The following UBE2D3 variants were observed in gnomAD, a reference collection of about 807,000 sequenced individuals.
UBE2D3 encodes the protein ubiquitin-conjugating enzyme E2 D3.
Under a neutral mutation model 22.8 loss-of-function variants are expected in UBE2D3, and 2 were observed. That is an observed-to-expected ratio of 0.09 (90% CI 0.04 to 0.28). The LOEUF (loss-of-function observed/expected upper bound fraction) is 0.28. Among genes scored for constraint, UBE2D3 ranks in the 10% least tolerant of loss-of-function variants. The probability of loss-of-function intolerance (pLI) is 1.00; values close to 1 mark genes in which losing one functional copy is unlikely to be tolerated. For synonymous variants in UBE2D3, 56 were observed against 60.4 expected (o/e 0.93, Z 0.34); for missense variants, 27 against 182.5 (o/e 0.15, Z 4.91).
intron 4 of UBE2D3, among the ~76,000 whole-genome samples, chr4:102,806,531 T>C (rs1310938778): frequency 6.6e-6 from 1 of 152,194 alleles, no homozygotes; most frequent in Non-Finnish European, 1.5e-5. Context: ...ATAATCCTTA[T>C]GGACCAAATA....
At chr4:102,868,883 G>C, upstream of UBE2D3, 2 of 1,494,674 alleles carry the variant, frequency 1.3e-6, no homozygotes, top group Non-Finnish European at 1.8e-6. Context: ...CCCGCGCCTC[G>C]GCAGTCCGCC....
At chr4:102,857,487 A>T (rs1319038110) in intron 1 of UBE2D3, among the ~76,000 whole-genome samples, 1 of 152,220 alleles carries the variant, frequency 6.6e-6, no homozygotes, top group East Asian at 1.9e-4. Context: ...ATAGGAAAAA[A>T]CAATATGCAT....
chr4:102,868,690 G>A (rs754826180), intron 1 of UBE2D3: 63 of 1,613,620 alleles, frequency 3.9e-5, no homozygotes, highest in South Asian at 2.6e-4. Context: ...GAGAGGGGAC[G>A]AAGTAGAGAC....
intron 2 of UBE2D3, chr4:102,811,571 C>A: frequency 3.5e-6 from 1 of 284,726 alleles, no homozygotes. Flanking sequence ...ATCCCAGCTA[C>A]TCGGGAGGAT....
chr4:102,840,628 A>C (rs973596222), intron 1 of UBE2D3, among the ~76,000 whole-genome samples: 1 of 152,148 alleles, frequency 6.6e-6, no homozygotes, highest in Non-Finnish European at 1.5e-5. Context: ...ATACAGTGAG[A>C]TATGGAACAA....
chr4:102,833,839 C>T (rs1258160171), intron 1 of UBE2D3, among the ~76,000 whole-genome samples: 1 of 152,182 alleles, frequency 6.6e-6, no homozygotes, highest in African/African-American at 2.4e-5. Context: ...CCCACCCTCC[C>T]TGTATATATT....
In UBE2D3 at chr4:102,819,661, G is replaced by A. The variant is rs888285042; in HGVS notation, c.24+6824C>T. On this transcript the variant is annotated intron_variant, in intron 2 of 7. Coordinates refer to ENST00000453744, the MANE Select transcript of UBE2D3 (RefSeq NM_181891.3). ...ATTCAAAAGCCTATATAGTGGCAAG[G>A]CCAAGTTCATGGATTCTACCTTTAA... 4 of 917,950 alleles carry A rather than the reference G, an allele frequency of 4.4e-6. No homozygotes were observed. In the African/African-American group the frequency reaches 7.2e-5, roughly 16 times the overall value. 56.9% of individuals were successfully genotyped at this position (917,950 alleles called of 1,614,324 possible). A position where few individuals can be genotyped will look rare whatever the true frequency, so the allele number is the denominator to read the frequency against.
chr4:102,807,298 T>C (rs1046511963), intron 4 of UBE2D3, among the ~76,000 whole-genome samples: 13 of 152,234 alleles, frequency 8.5e-5, no homozygotes, highest in African/African-American at 2.4e-4. Context: ...AAAGAAGTAT[T>C]GAGAAGCCAA....
At chr4:102,842,567 T>G (rs1158251436) in intron 1 of UBE2D3, among the ~76,000 whole-genome samples, 1 of 151,136 alleles carries the variant, frequency 6.6e-6, no homozygotes, top group Admixed American at 6.6e-5. Flanking sequence ...AAAAAAAACC[T>G]CGAGTTTCAC....
At position 102,827,494 on chromosome 4, in the gene UBE2D3, C is replaced by G; in HGVS notation, c.-196G>C. The G allele has an allele frequency of 1.0e-6, 1 of 986,202 alleles. No homozygotes were observed. The highest frequency in any genetic ancestry group is 1.2e-6 in the Non-Finnish European group (1 of 830,180). The allele number at this position is 986,202 out of a possible 1,614,324, so 61.1% of individuals were successfully genotyped here. A position where few individuals can be genotyped will look rare whatever the true frequency, so the allele number is the denominator to read the frequency against. ...CCCCGCGCGGCAGCTGGTGCCTCCC[C>G]GGCCCTACGGGGCTCACGCGCACGA... On this transcript the variant is annotated 5_prime_UTR_variant, in exon 1 of 8. Transcript: ENST00000453744.
chr4:102,811,554 G>A (rs1728029291), intron 2 of UBE2D3: 2 of 268,130 alleles, frequency 7.5e-6, no homozygotes, highest in South Asian at 6.4e-5. Flanking sequence ...TAGTGCACAC[G>A]CCTGTAATCC....
At chr4:102,862,422 T>C (rs1490176075) in intron 1 of UBE2D3, among the ~76,000 whole-genome samples, 5 of 151,986 alleles carry the variant, frequency 3.3e-5, no homozygotes, top group Non-Finnish European at 4.4e-5. Context: ...TCCTTTTAAT[T>C]TGTTAAAGCA....
At chr4:102,822,734 G>A (rs1258207636) in intron 2 of UBE2D3, among the ~76,000 whole-genome samples, 1 of 81,324 alleles carries the variant, frequency 1.2e-5, no homozygotes. Flanking sequence ...AGGAGATCAA[G>A]ACCATCCTGG....
intron 1 of UBE2D3, among the ~76,000 whole-genome samples, chr4:102,854,721 GA>G (rs1732548024): frequency 6.6e-6 from 1 of 152,030 alleles, no homozygotes; most frequent in Non-Finnish European, 1.5e-5. Context: ...TATGGTTCCT[GA>G]AAAAATGAAA....
chr4:102,827,928 C>T, upstream of UBE2D3: 4 of 985,564 alleles, frequency 4.1e-6, no homozygotes, highest in Non-Finnish European at 4.8e-6. Flanking sequence ...CCCACAGCGT[C>T]CCCCAGTTTC....
intron 1 of UBE2D3, among the ~76,000 whole-genome samples, chr4:102,855,203 A>G (rs1451200462): frequency 2.6e-5 from 4 of 152,160 alleles, no homozygotes. Context: ...TCTGCTCCTT[A>G]AACTTGTGGG....
At chr4:102,797,728 CCTTT>C (rs1725425471) in intron 7 of UBE2D3, among the ~76,000 whole-genome samples, 1 of 151,670 alleles carries the variant, frequency 6.6e-6, no homozygotes, top group South Asian at 2.1e-4. Context: ...ATCAAAAGAC[CCTTT>C]CTTTCTCTAC....
chr4:102,826,600 T>C lies in UBE2D3; in HGVS notation c.-92A>G. 1 of 1,600,372 alleles carries C rather than the reference T, an allele frequency of 6.2e-7. No homozygotes were observed. The highest frequency in any genetic ancestry group is 1.1e-5 in the South Asian group (1 of 90,914). ...GATTATCCCGGCGGCGGGGCAGGATTGTCTCGTCTCACACCAGCTCTGCCA... is the reference window on the plus strand; with the variant it reads ...GATTATCCCGGCGGCGGGGCAGGATCGTCTCGTCTCACACCAGCTCTGCCA... On this transcript the variant is annotated 5_prime_UTR_variant, in exon 2 of 8. Transcript: ENST00000453744.
chr4:102,799,567 G>A (rs1038696864), intron 6 of UBE2D3, 67 bp from the exon 7 acceptor site: 32 of 1,247,664 alleles, frequency 2.6e-5, no homozygotes, highest in Middle Eastern at 1.9e-4. Flanking sequence ...TTTCTAAACC[G>A]TGTATTACAA....
Sources: allele counts gnomAD v4.1 joint callset (sites outside exome capture counted in the v4.1 genomes callset), GRCh38; gene constraint gnomAD v4.1.1; transcripts MANE v1.5; gene names NCBI Gene and HGNC (gene_info 2026-07-23, HGNC 2026-07-21).